CAD: variants seen among roughly 807,000 people sequenced by gnomAD.
The protein encoded by CAD is multifunctional protein CAD.
Under a neutral mutation model 237.2 loss-of-function variants are expected in CAD, and 81 were observed. The ratio of observed to expected loss-of-function variants is 0.34; its 90% CI spans 0.29 to 0.41. The LOEUF is 0.41. CAD is among the 10% of genes least tolerant of loss of function. The probability of loss-of-function intolerance (pLI) is 1.00; values close to 1 mark genes in which losing one functional copy is unlikely to be tolerated. For synonymous variants in CAD, 1,196 were observed against 1,162.8 expected (o/e 1.03, Z -0.58); for missense variants, 2,181 against 2,951.7 (o/e 0.74, Z 6.05).
rs922057070 is a variant in CAD at position 27,222,249 on chromosome 2, G to A, written c.408G>A (p.Gly136=). Residue 136 remains glycine (G), a synonymous_variant, in exon 4 of 44, where the codon GGG becomes GGA. Coordinates refer to ENST00000264705, the MANE Select transcript of CAD (RefSeq NM_004341.5). ...TGCGGGAACAGGGGTCTCTGCTGGG[G>A]AAGCTGGTCCAGAATGGAACAGAAC... The part of the protein sequence containing the change: ...KKLREQGSLL[G]KLVQNGTEPS... 15 of 1,613,938 alleles carry A rather than the reference G, an allele frequency of 9.3e-6. No homozygotes were observed. Among genetic ancestry groups the A allele is most frequent in the Admixed American group, 5.0e-5 (3 of 59,996 alleles).
intron 15 of CAD, among the ~76,000 whole-genome samples, chr2:27,228,897 CTT>C (rs1435497294): frequency 6.9e-6 from 1 of 145,142 alleles, no homozygotes; most frequent in Non-Finnish European, 1.5e-5. Context: ...GACCCTGTCT[CTT>C]TTTTCTTTTC....
Position 27,238,482 on chromosome 2 carries a change from G to C in CAD, c.4912G>C (p.Val1638Leu), listed in dbSNP as rs1218807581. ...ACGGGGCTTGCCAGTGACCTGCGAG[G>C]TGGCTCCCCACCACCTGTTCCTAAG... ...KARGLPVTCE[V>L]APHHLFLSHD... The change falls in exon 31 of 44, where the codon GTG becomes CTG. Residue 1638 changes from valine to leucine, a missense_variant. Val to Leu is a conservative substitution (Grantham distance 32, BLOSUM62 1). Transcript: ENST00000264705. 2 of 1,608,444 alleles carry C rather than the reference G, an allele frequency of 1.2e-6. No individual in the cohort carries two copies. The highest frequency in any genetic ancestry group is 1.7e-6 in the Non-Finnish European group (2 of 1,177,426).
chr2:27,229,946 T>G (rs1283138850), intron 15 of CAD, among the ~76,000 whole-genome samples: 1 of 150,416 alleles, frequency 6.6e-6, no homozygotes, highest in Non-Finnish European at 1.5e-5. Context: ...ATACAAGAAT[T>G]AAGTTAGTTG....
rs1675468478 is a variant in CAD at position 27,226,855 on chromosome 2, C to T, written c.2180C>T (p.Ala727Val). ...AGGAACTCTGTGACAGGGGGTACAG[C>T]AGCCTTTGAACCCAGCGTGGATTAT... ...ELRNSVTGGT[A>V]AFEPSVDYCV... Residue 727 changes from alanine (A) to valine (V), a missense_variant, in exon 15 of 44, where the codon GCA (alanine) becomes GTA (valine). This residue lies in a region of CAD where 385 missense variants were observed against 535.1 expected (regional missense o/e 0.72). Coordinates refer to ENST00000264705, the MANE Select transcript of CAD (RefSeq NM_004341.5). The T allele has an allele frequency of 6.2e-7, 1 of 1,614,062 alleles. No individual in the cohort carries two copies. The highest frequency in any genetic ancestry group is 1.3e-5 in the African/African-American group (1 of 74,936).
chr2:27,223,628 C>A lies in CAD; in HGVS notation c.875C>A (p.Ser292Tyr). ...LVGSGRCFLT[S>Y]QNHGFAVETD... The stretch of plus-strand genomic sequence containing the variant: ...GGCTCTGGGCGCTGCTTTCTGACAT[C>A]CCAGAACCATGGGTTTGCTGTGGAG... The change falls in exon 7 of 44, where the codon TCC (serine) becomes TAC (tyrosine). Residue 292 changes from serine (S) to tyrosine (Y), a missense_variant. This residue lies in a region of CAD where 129 missense variants were observed against 143.3 expected (regional missense o/e 0.90). Coordinates refer to ENST00000264705, the MANE Select transcript of CAD (RefSeq NM_004341.5). 4 of 1,613,998 alleles carry A rather than the reference C, an allele frequency of 2.5e-6. No homozygotes were observed. Among genetic ancestry groups the A allele is most frequent in the Non-Finnish European group, 2.5e-6 (3 of 1,180,028 alleles).
In CAD at chr2:27,242,353, G is replaced by A. The variant is rs771150297; in HGVS notation, c.6148G>A (p.Gly2050Arg). Residue 2050 changes from glycine (G) to arginine (R), a missense_variant, in exon 40 of 44, where the codon GGA (glycine) becomes AGA (arginine). By Grantham distance (125) the Gly-to-Arg change is moderately radical (BLOSUM62 -2). This residue lies in a region of CAD where 203 missense variants were observed against 284.5 expected (regional missense o/e 0.71). Coordinates refer to ENST00000264705, the MANE Select transcript of CAD (RefSeq NM_004341.5). This position sits in a 1 kb window ranked among gnomAD's most constrained non-coding sequence, Gnocchi z 6.4. ...AGTGATCAATGCTGGGGATGGGGTC[G>A]GAGAGCACCCCACCCAGGCCCTGCT... ...RPVINAGDGV[G>R]EHPTQALLDI... 3.1e-6 allele frequency: 5 copies of A among 1,613,906 alleles called. No individual in the cohort carries two copies. Among genetic ancestry groups the A allele is most frequent in the Non-Finnish European group, 3.4e-6 (4 of 1,179,952 alleles).
rs1449859311 is a variant in CAD, at chr2:27,242,721, C to G, written c.6324C>G (p.Ser2108Arg). 3.1e-6 allele frequency: 5 copies of G among 1,614,202 alleles called. No individual in the cohort carries two copies. Among genetic ancestry groups the G allele is most frequent in the Non-Finnish European group, 4.2e-6 (5 of 1,180,036 alleles). ...RVSLRYVAPP[S>R]LRMPPTVRAF... ...GCCTGCGCTACGTGGCACCTCCCAGCCTGCGCATGCCACCCACTGTGCGGG... is the reference window on the plus strand; with the variant it reads ...GCCTGCGCTACGTGGCACCTCCCAGGCTGCGCATGCCACCCACTGTGCGGG... The change falls in exon 41 of 44, where the codon AGC becomes AGG. Residue 2108 changes from serine to arginine, a missense_variant. By Grantham distance (110) the Ser-to-Arg change is moderately radical. Around this residue, in one of 12 missense-constraint regions of CAD, gnomAD observed 170 missense variants for 212.1 expected, o/e 0.80. Transcript: ENST00000264705. This position sits in a 1 kb window ranked among gnomAD's most constrained non-coding sequence, Gnocchi z 6.4.
intron 15 of CAD, among the ~76,000 whole-genome samples, chr2:27,228,839 C>T (rs1007322851): frequency 9.2e-5 from 14 of 151,976 alleles, no homozygotes; most frequent in African/African-American, 3.4e-4. Flanking sequence ...ATCCACCCAC[C>T]TTTGGCCTCC....
At position 27,232,332 on chromosome 2, in the gene CAD, G is replaced by C. The variant is rs1304992272; in HGVS notation, c.2645+108G>C. On this transcript the variant is annotated intron_variant, in intron 17 of 43. Transcript: ENST00000264705. The surrounding 1 kb of genome is among the most constrained non-coding windows in gnomAD (Gnocchi z 4.1). Reference sequence around the variant, plus strand: ...AGGAGAGTGTGGGAGAGCTTTAGAGGCTTCTGACCTTGGTTCCAAGGATAT... The same window carrying C: ...AGGAGAGTGTGGGAGAGCTTTAGAGCCTTCTGACCTTGGTTCCAAGGATAT... The C allele has an allele frequency of 4.4e-6, 7 of 1,574,920 alleles. No individual in the cohort carries two copies. The African/African-American group carries it at 6.7e-5, about 15-fold the overall frequency.
chr2:27,223,832 A>C (rs980486402), intron 7 of CAD, 84 bp downstream of exon 7: 1 of 1,554,082 alleles, frequency 6.4e-7, no homozygotes, highest in Non-Finnish European at 8.9e-7. Context: ...AGTGGATCCG[A>C]GTCCCCTGTC....
At position 27,233,880 on chromosome 2, in the gene CAD, C is replaced by T; in HGVS notation, c.3399+72C>T. Reference sequence around the variant, plus strand: ...CTGGAGGAGACTTCCTTCTCTGGTCCAGCAGAATCATAGGCACCAGGGCTG... The same window carrying T: ...CTGGAGGAGACTTCCTTCTCTGGTCTAGCAGAATCATAGGCACCAGGGCTG... On this transcript the variant is annotated intron_variant, in intron 21 of 43. Coordinates refer to ENST00000264705, the MANE Select transcript of CAD (RefSeq NM_004341.5). The surrounding 1 kb of genome is among the most constrained non-coding windows in gnomAD (Gnocchi z 6.3). 6 of 1,575,656 alleles carry T rather than the reference C, an allele frequency of 3.8e-6. No homozygotes were observed. The highest frequency in any genetic ancestry group is 5.2e-6 in the Non-Finnish European group (6 of 1,150,108).
rs568910467 is a variant in CAD at position 27,231,227 on chromosome 2, C to T, written c.2288-241C>T. On this transcript the variant is annotated intron_variant, in intron 15 of 43. Coordinates refer to ENST00000264705, the MANE Select transcript of CAD (RefSeq NM_004341.5). ...TTCACCATGTTAGCCAGGATGGTCTCGATCTCCTGACCTCGTGATCCTTCC... is the reference window on the plus strand; with the variant it reads ...TTCACCATGTTAGCCAGGATGGTCTTGATCTCCTGACCTCGTGATCCTTCC... Among the ~76,000 whole-genome samples, 82 of 152,280 alleles carry T rather than the reference C, an allele frequency of 5.4e-4. No homozygotes were observed. In the South Asian group the frequency reaches 0.016, roughly 30 times the overall value.
chr2:27,217,958 C>T lies in CAD; in HGVS notation c.164C>T (p.Pro55Leu), dbSNP rs865798953. 6.2e-7 allele frequency: 1 copy of T among 1,613,042 alleles called. No individual in the cohort carries two copies. The highest frequency in any genetic ancestry group is 1.7e-4 in the Middle Eastern group (1 of 6,060). ...GCACAGATCTTAGTGCTCACCTATCCTCTGATCGGCAACTATGGCATCCCC... is the reference window on the plus strand; with the variant it reads ...GCACAGATCTTAGTGCTCACCTATCTTCTGATCGGCAACTATGGCATCCCC... ...YKAQILVLTY[P>L]LIGNYGIPPD... is the part of the protein sequence containing the mutation. The change falls in exon 2 of 44, where the codon CCT becomes CTT. Residue 55 changes from proline (P) to leucine (L), a missense_variant. Pro to Leu is a moderately conservative substitution (Grantham distance 98). This residue lies in a region of CAD where 314 missense variants were observed against 339.4 expected (regional missense o/e 0.93). Transcript: ENST00000264705.
At position 27,239,210 on chromosome 2, in the gene CAD, C is replaced by T. The variant is rs764067828; in HGVS notation, c.5231C>T (p.Pro1744Leu). The T allele has an allele frequency of 1.3e-5, 21 of 1,607,088 alleles. 1 individual carries two copies. Among genetic ancestry groups the T allele is most frequent in the Middle Eastern group, 1.7e-4 (1 of 6,038 alleles). The change falls in exon 32 of 44, where the codon CCG (proline) becomes CTG (leucine). Residue 1744 changes from proline (P) to leucine (L), a missense_variant. Around this residue, in one of 12 missense-constraint regions of CAD, gnomAD observed 478 missense variants for 515.0 expected, o/e 0.93. Transcript: ENST00000264705. This position sits in a 1 kb window ranked among gnomAD's most constrained non-coding sequence, Gnocchi z 4.0. ...CCTCGGCGCATCTTTCACCTGCCCC[C>T]GCAGGAGGACACCTATGTGGAGGTG... ...HNPRRIFHLPPQEDTYVEVDL... is the reference protein window; with the variant it reads ...HNPRRIFHLPLQEDTYVEVDL...
At position 27,239,815 on chromosome 2, in the gene CAD, G is replaced by A; in HGVS notation, c.5496+17G>A. 6.7e-7 allele frequency: 1 copy of A among 1,502,758 alleles called. No homozygotes were observed. Among genetic ancestry groups the A allele is most frequent in the Non-Finnish European group, 8.9e-7 (1 of 1,118,012 alleles). The allele number at this position is 1,502,758 out of a possible 1,614,324, so 93.1% of individuals were successfully genotyped here. On this transcript the variant is annotated intron_variant, in intron 34 of 43. Transcript: ENST00000264705. This position sits in a 1 kb window ranked among gnomAD's most constrained non-coding sequence, Gnocchi z 4.0. ...ATGACCACGGTATCCACACTACTGG[G>A]CTAGGGGGCTGGGAGGTGTTAGTCT... is the stretch of plus-strand genomic sequence containing the variant.
chr2:27,242,502 T>C lies in CAD; in HGVS notation c.6222+75T>C. The C allele has an allele frequency of 6.3e-7, 1 of 1,579,508 alleles. No homozygotes were observed. The highest frequency in any genetic ancestry group is 2.3e-5 in the East Asian group (1 of 44,410). ...GGGAGGCAGGAAGTGGTTACCCCGG[T>C]ACAGGACAGCTGCATCAAGGAGGCC... On this transcript the variant is annotated intron_variant, in intron 40 of 43. Transcript: ENST00000264705. This position sits in a 1 kb window ranked among gnomAD's most constrained non-coding sequence, Gnocchi z 6.4.
At position 27,225,063 on chromosome 2, in the gene CAD, T is replaced by A; in HGVS notation, c.1440T>A (p.Thr480=). ...TGTTACTGACTTTTGGGGGCCAGAC[T>A]GCTCTGAACTGTGGTGTGGAGCTGA... The part of the protein sequence containing the change: ...DGVLLTFGGQ[T]ALNCGVELTK... Residue 480 remains threonine (T), a synonymous_variant, in exon 11 of 44, where the codon ACT becomes ACA. Coordinates refer to ENST00000264705, the MANE Select transcript of CAD (RefSeq NM_004341.5). 1 of 1,613,724 alleles carries A rather than the reference T, an allele frequency of 6.2e-7. No homozygotes were observed. Among genetic ancestry groups the A allele is most frequent in the Non-Finnish European group, 8.5e-7 (1 of 1,179,674 alleles).
chr2:27,233,769 G>A lies in CAD; in HGVS notation c.3360G>A (p.Glu1120=), dbSNP rs778972184. ...FLSSAAAVSK[E]HPVVISKFIQ... ...GCAGCGCAGCAGCCGTCTCCAAAGA[G>A]CATCCCGTGGTCATCTCCAAGTTCA... The change falls in exon 21 of 44, where the codon GAG becomes GAA. Residue 1120 remains glutamate (E), a synonymous_variant. Transcript: ENST00000264705. This position sits in a 1 kb window ranked among gnomAD's most constrained non-coding sequence, Gnocchi z 6.3. 1 of 1,614,126 alleles carries A rather than the reference G, an allele frequency of 6.2e-7. No individual in the cohort carries two copies. The highest frequency in any genetic ancestry group is 8.5e-7 in the Non-Finnish European group (1 of 1,180,038).
rs1312758986 is a variant in CAD, at chr2:27,239,641, C to T, written c.5395-56C>T. 6.6e-7 allele frequency: 1 copy of T among 1,504,126 alleles called. No individual in the cohort carries two copies. 93.2% of individuals were successfully genotyped at this position (1,504,126 alleles called of 1,614,324 possible). A position where few individuals can be genotyped will look rare whatever the true frequency, so the allele number is the denominator to read the frequency against. ...TTTTTGTCCTTGCTGACATCTACCC[C>T]TTTAGGACCTGAGTTCTCTCTGCTC... On this transcript the variant is annotated intron_variant, in intron 33 of 43. Coordinates refer to ENST00000264705, the MANE Select transcript of CAD (RefSeq NM_004341.5). The surrounding 1 kb of genome is among the most constrained non-coding windows in gnomAD (Gnocchi z 4.0).
Sources: allele counts gnomAD v4.1 joint callset (sites outside exome capture counted in the v4.1 genomes callset), GRCh38; gene constraint gnomAD v4.1.1; regional missense constraint gnomAD v4.1.1; non-coding constraint Gnocchi (gnomAD v3.1); transcripts MANE v1.5; gene names NCBI Gene and HGNC (gene_info 2026-07-23, HGNC 2026-07-21).